The following RRH variants were observed in gnomAD, a reference collection of about 807,000 sequenced individuals.
RRH encodes retinal pigment epithelium-derived rhodopsin homolog, also known as visual pigment-like receptor peropsin.
RRH carries 36 observed loss-of-function variants against 33.1 expected under a neutral mutation model. The ratio of observed to expected loss-of-function variants is 1.09; its 90% CI spans 0.83 to 1.44. RRH has a LOEUF of 1.44. Ranked by LOEUF, RRH falls within the 40% of genes most tolerant of loss-of-function variation. The probability of loss-of-function intolerance (pLI) is 0.00; values close to 1 mark genes in which losing one functional copy is unlikely to be tolerated. For missense variants in RRH, 393 were observed against 420.2 expected, an observed-to-expected ratio of 0.94 and a Z score of 0.57; for synonymous variants, 124 against 140.2, an observed-to-expected ratio of 0.88 and a Z score of 0.82.
At chr4:109,843,473 C>T (rs960409043) in intron 6 of RRH, among the ~76,000 whole-genome samples, 3 of 152,128 alleles carry the variant, frequency 2.0e-5, no homozygotes, top group African/African-American at 4.8e-5. Flanking sequence ...CCTCCCAAAG[C>T]GCTGGGATTA....
intron 6 of RRH, among the ~76,000 whole-genome samples, chr4:109,843,460 C>T (rs1409693962): frequency 2.0e-5 from 3 of 152,232 alleles, no homozygotes; most frequent in Non-Finnish European, 4.4e-5. Flanking sequence ...CCGCCCGCCT[C>T]GGCCTCCCAA....
chr4:109,828,282 G>A (rs1733678542), intron 1 of RRH, 149 bp downstream of exon 1: 5 of 626,900 alleles, frequency 8.0e-6, no homozygotes, highest in Non-Finnish European at 1.5e-5. Flanking sequence ...GTTGGTAAAT[G>A]AGGATGATGA....
chr4:109,840,680 G>T (rs930855855), intron 5 of RRH, among the ~76,000 whole-genome samples: 1 of 149,246 alleles, frequency 6.7e-6, no homozygotes, highest in African/African-American at 2.4e-5. Flanking sequence ...GTGATATTAT[G>T]TATATATTTA....
In RRH at chr4:109,835,438, T is replaced by A. The variant is rs796747997; in HGVS notation, c.370T>A (p.Tyr124Asn). Residue 124 changes from tyrosine to asparagine, a missense_variant, in exon 3 of 7, where the codon TAC (tyrosine) becomes AAC (asparagine). Coordinates refer to ENST00000317735, the MANE Select transcript of RRH (RefSeq NM_006583.5). ...ACTCACGGTCGTGGCTGTGGACCGA[T>A]ACCTGACCATCTGCCTTCCTGACGT... ...GLLTVVAVDR[Y>N]LTICLPDVGR... 1 of 1,613,876 alleles carries A rather than the reference T, an allele frequency of 6.2e-7. No homozygotes were observed. Among genetic ancestry groups the A allele is most frequent in the Admixed American group, 1.7e-5 (1 of 60,018 alleles).
chr4:109,839,108 T>G (rs1197262844), intron 5 of RRH, among the ~76,000 whole-genome samples: 1 of 151,552 alleles, frequency 6.6e-6, no homozygotes, highest in African/African-American at 2.4e-5. Flanking sequence ...GGTTGTTGTT[T>G]GTTTCTTTTT....
rs114944680 is a variant in RRH at position 109,844,809 on chromosome 4, A to G, written c.*612A>G. On this transcript the variant is annotated 3_prime_UTR_variant, in exon 7 of 7. Coordinates refer to ENST00000317735, the MANE Select transcript of RRH (RefSeq NM_006583.5). ...CCATTTTTCTGCATATATATTCCAT[A>G]TATTTGCCAACAGAGTTAACTTCAA... Among the ~76,000 whole-genome samples the G allele has an allele frequency of 0.032, 4,831 of 152,212 alleles. 227 individuals are homozygous for G. The highest frequency in any genetic ancestry group is 0.1 in the African/African-American group (4,241 of 41,516).
chr4:109,833,047 T>A lies in RRH; in HGVS notation c.107-92T>A. On this transcript the variant is annotated intron_variant, in intron 1 of 6. Coordinates refer to ENST00000317735, the MANE Select transcript of RRH (RefSeq NM_006583.5). ...TAAATGAACTAAAATAGATCTGTTA[T>A]GTTTTTAAAGGGGCTTAAATATTTA... The A allele has an allele frequency of 4.9e-6, 5 of 1,026,256 alleles. No individual in the cohort carries two copies. The South Asian group carries it at 6.7e-5, about 14-fold the overall frequency. 63.6% of individuals were successfully genotyped at this position (1,026,256 alleles called of 1,614,324 possible). A position where few individuals can be genotyped will look rare whatever the true frequency, so the allele number is the denominator to read the frequency against.
intron 1 of RRH, among the ~76,000 whole-genome samples, chr4:109,830,256 T>A (rs1366375385): frequency 6.6e-6 from 1 of 152,128 alleles, no homozygotes; most frequent in East Asian, 1.9e-4. Flanking sequence ...TTGAAAAAGA[T>A]GGCTGAGTAC....
intron 5 of RRH, among the ~76,000 whole-genome samples, chr4:109,840,354 A>T (rs141839028): frequency 4.1e-4 from 63 of 152,056 alleles, no homozygotes; most frequent in Non-Finnish European, 3.4e-4. Context: ...TTCCTTGTAG[A>T]TGCTGGATAT....
intron 4 of RRH, among the ~76,000 whole-genome samples, chr4:109,836,928 G>A (rs923511548): frequency 2.1e-5 from 3 of 146,240 alleles, no homozygotes; most frequent in Non-Finnish European, 4.4e-5. Flanking sequence ...GGTGGTGCGG[G>A]GGGTGGGAAA....
chr4:109,840,872 A>T (rs1733971355), intron 5 of RRH, among the ~76,000 whole-genome samples: 1 of 151,940 alleles, frequency 6.6e-6, no homozygotes, highest in Non-Finnish European at 1.5e-5. Context: ...CATTAGCAAG[A>T]TGTTTCTTTT....
At chr4:109,844,011 C>A in intron 6 of RRH, 72 bp from the exon 7 acceptor site, 1 of 977,086 alleles carries the variant, frequency 1.0e-6, no homozygotes, top group Non-Finnish European at 1.6e-6. Context: ...GGCATCTTAG[C>A]CATATTTGAA....
Position 109,828,087 on chromosome 4 carries a change from T to C in RRH, c.60T>C (p.Phe20=), listed in dbSNP as rs1201149572. 6.2e-7 allele frequency: 1 copy of C among 1,612,820 alleles called. No homozygotes were observed. Among genetic ancestry groups the C allele is most frequent in the Non-Finnish European group, 8.5e-7 (1 of 1,178,942 alleles). Residue 20 remains phenylalanine, a synonymous_variant, in exon 1 of 7, where the codon TTT becomes TTC. Coordinates refer to ENST00000317735, the MANE Select transcript of RRH (RefSeq NM_006583.5). ...CTAAAAATGAAGATGGCTCGGTCTT[T>C]TCACAGACTGAACACAATATTGTTG... ...SDSKNEDGSV[F]SQTEHNIVAT... is the part of the protein sequence containing the mutation.
In RRH at chr4:109,828,043, T is replaced by C. The variant is rs1050458125; in HGVS notation, c.16T>C (p.Leu6=). MLRNN[L]GNSSDSKNED... ...TCCCTCCAAAATGCTAAGAAATAAT[T>C]TAGGCAACAGTTCAGACTCTAAAAA... is the stretch of plus-strand genomic sequence containing the variant. Residue 6 remains leucine (L), a synonymous_variant, in exon 1 of 7, where the codon TTA becomes CTA. Coordinates refer to ENST00000317735, the MANE Select transcript of RRH (RefSeq NM_006583.5). The C allele has an allele frequency of 3.1e-6, 5 of 1,609,978 alleles. No homozygotes were observed. The African/African-American group carries it at 6.7e-5, about 22-fold the overall frequency.
At chr4:109,830,550 C>T (rs1363981517) in intron 1 of RRH, among the ~76,000 whole-genome samples, 1 of 151,964 alleles carries the variant, frequency 6.6e-6, no homozygotes, top group Non-Finnish European at 1.5e-5. Flanking sequence ...CTTTTTTGAG[C>T]CACTGAATAG....
chr4:109,837,469 C>A lies in RRH; in HGVS notation c.584C>A (p.Ala195Glu), dbSNP rs184174398. 6.8e-6 allele frequency: 11 copies of A among 1,613,802 alleles called. No homozygotes were observed. Among genetic ancestry groups the A allele is most frequent in the Non-Finnish European group, 6.8e-6 (8 of 1,179,854 alleles). Residue 195 changes from alanine to glutamate, a missense_variant, in exon 5 of 7, where the codon GCG becomes GAG. By Grantham distance (107) the Ala-to-Glu change is moderately radical. Transcript: ENST00000317735. ...GTGTCTTACACCATGACAGTTATTG[C>A]GATAAATTTTATTGTGCCCTTGACA... ...SFVSYTMTVI[A>E]INFIVPLTVM...
At position 109,844,064 on chromosome 4, in the gene RRH, T is replaced by C; in HGVS notation, c.900-19T>C. On this transcript the variant is annotated intron_variant, in intron 6 of 6. Transcript: ENST00000317735. ...AAATCATTATGGGTTAATGCCAGAT[T>C]TTCCTTTTTTTATCGTAGGTTTCGG... 6.5e-7 allele frequency: 1 copy of C among 1,543,776 alleles called. No homozygotes were observed. Among genetic ancestry groups the C allele is most frequent in the Non-Finnish European group, 9.0e-7 (1 of 1,116,316 alleles).
chr4:109,828,061 T>G lies in RRH; in HGVS notation c.34T>G (p.Ser12Ala). 1.2e-6 allele frequency: 2 copies of G among 1,612,602 alleles called. No homozygotes were observed. The highest frequency in any genetic ancestry group is 1.7e-6 in the Non-Finnish European group (2 of 1,178,770). The change falls in exon 1 of 7, where the codon TCT (serine) becomes GCT (alanine). Residue 12 changes from serine (S) to alanine (A), a missense_variant. By Grantham distance (99) the Ser-to-Ala change is moderately conservative. Coordinates refer to ENST00000317735, the MANE Select transcript of RRH (RefSeq NM_006583.5). ...LRNNLGNSSD[S>A]KNEDGSVFSQ... ...AAATAATTTAGGCAACAGTTCAGAC[T>G]CTAAAAATGAAGATGGCTCGGTCTT...
At chr4:109,841,716 C>T (rs1733985954) in intron 5 of RRH, among the ~76,000 whole-genome samples, 1 of 152,074 alleles carries the variant, frequency 6.6e-6, no homozygotes, top group Non-Finnish European at 1.5e-5. Flanking sequence ...ATGTTTCTTA[C>T]ATAATTTGCC....
Sources: gnomAD v4.1 joint callset for allele counts (sites outside exome capture counted in the v4.1 genomes callset) on GRCh38, gnomAD v4.1.1 for gene constraint, MANE v1.5 for transcripts, NCBI Gene and HGNC (gene_info 2026-07-23, HGNC 2026-07-21) for gene names.